COL5A2: variants seen among roughly 807,000 people sequenced by gnomAD.
COL5A2 encodes the protein collagen alpha-2(V) chain.
In COL5A2, 23 loss-of-function variants were observed where a neutral mutation model predicts 208.2. That is an observed-to-expected ratio of 0.11 (90% CI 0.08 to 0.16). The LOEUF (loss-of-function observed/expected upper bound fraction) is 0.16, where lower values mean the gene tolerates loss of function less well. Ranked by LOEUF, COL5A2 falls within the 10% of genes least tolerant of loss-of-function variation. The pLI, the probability that COL5A2 is intolerant of heterozygous loss-of-function variation, is 1.00. For missense variants in COL5A2, 1,590 were observed against 1,956.4 expected (o/e 0.81, Z 3.53); for synonymous variants, 625 against 628.5 (o/e 0.99, Z 0.08).
intron 1 of COL5A2, among the ~76,000 whole-genome samples, chr2:189,201,250 A>G (rs1689064630): frequency 6.6e-6 from 1 of 152,070 alleles, no homozygotes; most frequent in Non-Finnish European, 1.5e-5. Context: ...TTCATTAAAA[A>G]TGCATATCCT....
the COL5A2 span, among the ~76,000 whole-genome samples, chr2:189,389,787 A>G: frequency 6.6e-6 from 1 of 152,194 alleles, no homozygotes; most frequent in Non-Finnish European, 1.5e-5. Context: ...AACAAATGCT[A>G]TTCCAATATA....
the COL5A2 span, among the ~76,000 whole-genome samples, chr2:189,275,930 C>CA: frequency 5.9e-5 from 9 of 152,062 alleles, no homozygotes; most frequent in East Asian, 1.5e-3. Context: ...ACTGAAAATA[C>CA]AAAAAAATAC....
At chr2:189,121,514 CT>C (rs1687499119) in intron 1 of COL5A2, among the ~76,000 whole-genome samples, 1 of 151,960 alleles carries the variant, frequency 6.6e-6, no homozygotes, top group South Asian at 2.1e-4. Flanking sequence ...AGGGGTGGGG[CT>C]CTTGCGGTGG....
At chr2:189,309,333 C>T in the COL5A2 span, among the ~76,000 whole-genome samples, 8 of 152,184 alleles carry the variant, frequency 5.3e-5, no homozygotes, top group Non-Finnish European at 8.8e-5. Context: ...AACTAAGAGG[C>T]AAAATGGCTG....
the COL5A2 span, among the ~76,000 whole-genome samples, chr2:189,342,346 C>T: frequency 6.8e-6 from 1 of 147,554 alleles, no homozygotes. Flanking sequence ...ACTAAAAATA[C>T]CAATAATTTT....
At chr2:189,162,461 C>A (rs1688386049) in intron 1 of COL5A2, among the ~76,000 whole-genome samples, 1 of 152,148 alleles carries the variant, frequency 6.6e-6, no homozygotes, top group Admixed American at 6.5e-5. Context: ...AAAGCAAATT[C>A]TAATGTTACT....
intron 44 of COL5A2, 62 bp from the exon 45 acceptor site, chr2:189,048,324 A>G (rs1021083937): frequency 4.0e-6 from 6 of 1,481,850 alleles, no homozygotes; most frequent in African/African-American, 1.4e-5. Flanking sequence ...CCTCATTCCA[A>G]TTGTCAAAAA....
chr2:189,033,457 T>G lies in COL5A2; in HGVS notation c.*613A>C, dbSNP rs570063194. The G allele has an allele frequency of 6.5e-6, 1 of 152,762 alleles. No homozygotes were observed. Among genetic ancestry groups the G allele is most frequent in the African/African-American group, 2.4e-5 (1 of 41,486 alleles). The allele number at this position is 152,762 out of a possible 1,614,324, so 9.5% of individuals were successfully genotyped here. On this transcript the variant is annotated 3_prime_UTR_variant, in exon 54 of 54. Transcript: ENST00000374866. ...CACTGAATATATACTATTTAAAAAT[T>G]CTATTTAAGACAGTGAGAAACGTTT...
chr2:189,104,312 G>A (rs1350543916), intron 2 of COL5A2, 35 bp from the exon 3 acceptor site: 1 of 1,378,926 alleles, frequency 7.3e-7, no homozygotes, highest in East Asian at 2.3e-5. Flanking sequence ...GTTATTTTAT[G>A]AGGAAACAAT....
chr2:189,423,231 TA>T, the COL5A2 span, among the ~76,000 whole-genome samples: 10 of 151,794 alleles, frequency 6.6e-5, no homozygotes, highest in African/African-American at 2.4e-4. Context: ...CTATGGGATA[TA>T]ACAAAAGCAG....
the COL5A2 span, among the ~76,000 whole-genome samples, chr2:189,258,255 A>G: frequency 6.6e-6 from 1 of 152,330 alleles, no homozygotes; most frequent in East Asian, 1.9e-4. Flanking sequence ...TGTCCATGCA[A>G]AAGTATGAGT....
intron 38 of COL5A2, 32 bp from the exon 39 acceptor site, chr2:189,053,050 T>G (rs1287951230): frequency 6.6e-7 from 1 of 1,504,700 alleles, no homozygotes; most frequent in Non-Finnish European, 9.2e-7. Context: ...AGCAATTGAT[T>G]ATAAGACTTA....
chr2:189,096,564 G>T (rs1450325455), intron 6 of COL5A2, among the ~76,000 whole-genome samples: 1 of 146,654 alleles, frequency 6.8e-6, no homozygotes, highest in Non-Finnish European at 1.5e-5. Context: ...GGAGCTTGCA[G>T]TGAGCCGAGA....
chr2:189,115,163 G>T (rs1484509344), intron 1 of COL5A2, among the ~76,000 whole-genome samples: 2 of 152,070 alleles, frequency 1.3e-5, no homozygotes, highest in Non-Finnish European at 2.9e-5. Flanking sequence ...TATTTTATCT[G>T]ATCACATTTT....
chr2:189,423,804 C>T, the COL5A2 span, among the ~76,000 whole-genome samples: 3 of 151,898 alleles, frequency 2.0e-5, no homozygotes, highest in Admixed American at 1.3e-4. Context: ...TAATTAATAC[C>T]AATCCTTCTC....
At chr2:189,418,434 C>T in the COL5A2 span, among the ~76,000 whole-genome samples, 3 of 152,112 alleles carry the variant, frequency 2.0e-5, no homozygotes, top group Non-Finnish European at 4.4e-5. Flanking sequence ...ACTCAGTGAC[C>T]ATGACCTACA....
At chr2:189,428,469 T>C in the COL5A2 span, among the ~76,000 whole-genome samples, 1 of 151,996 alleles carries the variant, frequency 6.6e-6, no homozygotes, top group Non-Finnish European at 1.5e-5. Context: ...AATACAAAAA[T>C]TAGCTGGGTG....
At chr2:189,291,813 A>G in the COL5A2 span, among the ~76,000 whole-genome samples, 1 of 151,920 alleles carries the variant, frequency 6.6e-6, no homozygotes, top group Non-Finnish European at 1.5e-5. Flanking sequence ...TAAAAAAAAA[A>G]CTTGCTCTAT....
At chr2:189,064,105 T>TA in intron 25 of COL5A2, 72 bp from the exon 26 acceptor site, 1 of 1,252,154 alleles carries the variant, frequency 8.0e-7, no homozygotes, top group Admixed American at 1.7e-5. Context: ...AGAGTAAAAA[T>TA]AGTGTTGCAT....
Sources: gnomAD v4.1 joint callset for allele counts (sites outside exome capture counted in the v4.1 genomes callset) on GRCh38, gnomAD v4.1.1 for gene constraint, MANE v1.5 for transcripts, NCBI Gene and HGNC (gene_info 2026-07-23, HGNC 2026-07-21) for gene names.